Variants in WDR77 observed in about 807,000 individuals in gnomAD.
WDR77 encodes WD repeat domain 77.
Under a neutral mutation model 44.0 loss-of-function variants are expected in WDR77, and 31 were observed. The ratio of observed to expected loss-of-function variants is 0.70; its 90% CI spans 0.53 to 0.95. The LOEUF (loss-of-function observed/expected upper bound fraction) is 0.95, where lower values mean the gene tolerates loss of function less well. Among genes scored for constraint, WDR77 ranks in the 40% least tolerant of loss-of-function variants. WDR77 has a pLI of 0.00. For missense variants in WDR77, 390 were observed against 423.9 expected (o/e 0.92, Z 0.70); for synonymous variants, 186 against 165.7 (o/e 1.12, Z -0.94).
At position 111,441,018 on chromosome 1, in the gene WDR77, C is replaced by T; in HGVS notation, c.*212G>A. Reference sequence around the variant, plus strand: ...AAATCTACACACACACTCACACGCACATACATGTCCATTTTTAAGAAAGCT... The same window carrying T: ...AAATCTACACACACACTCACACGCATATACATGTCCATTTTTAAGAAAGCT... On this transcript the variant is annotated 3_prime_UTR_variant, in exon 10 of 10. Transcript: ENST00000235090. 5.0e-6 allele frequency: 2 copies of T among 397,520 alleles called. No individual in the cohort carries two copies. Among genetic ancestry groups the T allele is most frequent in the Admixed American group, 4.6e-5 (1 of 21,692 alleles). 24.6% of individuals were successfully genotyped at this position (397,520 alleles called of 1,614,324 possible).
At chr1:111,442,001 C>T in intron 9 of WDR77, 24 bp downstream of exon 9, 2 of 1,611,140 alleles carry the variant, frequency 1.2e-6, no homozygotes, top group Non-Finnish European at 1.7e-6. Flanking sequence ...CCCTGATTCC[C>T]AAAGGATTCC....
In WDR77 at chr1:111,441,217, T is replaced by C; in HGVS notation, c.*13A>G. On this transcript the variant is annotated 3_prime_UTR_variant, in exon 10 of 10. Coordinates refer to ENST00000235090, the MANE Select transcript of WDR77 (RefSeq NM_024102.4). ...ACACTCATGGGGGACTTGCTTTTTG[T>C]CTTAAATCCAATCTACTCAGTAACA... is the stretch of plus-strand genomic sequence containing the variant. 6.7e-7 allele frequency: 1 copy of C among 1,485,078 alleles called. No homozygotes were observed. The highest frequency in any genetic ancestry group is 1.4e-5 in the South Asian group (1 of 71,114). 92.0% of individuals were successfully genotyped at this position (1,485,078 alleles called of 1,614,324 possible). A position where few individuals can be genotyped will look rare whatever the true frequency, so the allele number is the denominator to read the frequency against.
chr1:111,444,087 A>G lies in WDR77; in HGVS notation c.531T>C (p.Pro177=). ...AAQVTCVAAS[P]HKDSVFLSCS... is the part of the protein sequence containing the mutation. The stretch of plus-strand genomic sequence containing the variant: ...ATGAAAGAAACACAGAGTCCTTGTG[A>G]GGAGAGGCAGCAACACAAGTGACCT... Residue 177 remains proline, a synonymous_variant, in exon 5 of 10, where the codon CCT becomes CCC. Transcript: ENST00000235090. The G allele has an allele frequency of 6.2e-7, 1 of 1,614,078 alleles. No individual in the cohort carries two copies.
At position 111,441,293 on chromosome 1, in the gene WDR77, G is replaced by A. The variant is rs369442697; in HGVS notation, c.966C>T (p.Val322=). ...GTTCTGTGGGCACAACGTGGTGGACGACCTGATGGTCCCAGCCCACTGTGG... is the reference window on the plus strand; with the variant it reads ...GTTCTGTGGGCACAACGTGGTGGACAACCTGATGGTCCCAGCCCACTGTGG... ...LLTTVGWDHQ[V]VHHVVPTEPL... is the part of the protein sequence containing the mutation. The change falls in exon 10 of 10, where the codon GTC becomes GTT. Residue 322 remains valine (V), a synonymous_variant. Coordinates refer to ENST00000235090, the MANE Select transcript of WDR77 (RefSeq NM_024102.4). The A allele has an allele frequency of 5.7e-6, 9 of 1,586,668 alleles. No individual in the cohort carries two copies. Among genetic ancestry groups the A allele is most frequent in the African/African-American group, 4.1e-5 (3 of 73,768 alleles).
intron 1 of WDR77, 64 bp from the exon 2 acceptor site, chr1:111,448,868 C>A (rs1279133763): frequency 1.3e-6 from 2 of 1,548,690 alleles, no homozygotes; most frequent in Admixed American, 3.9e-5. Flanking sequence ...GGAGACCGCA[C>A]AGAACAGCGT....
At chr1:111,441,668 T>C (rs923677345) in intron 9 of WDR77, 2 of 1,081,894 alleles carry the variant, frequency 1.8e-6, no homozygotes, top group East Asian at 3.4e-5. Context: ...AGGAGGGAAG[T>C]ACAATTCAGG....
Position 111,447,121 on chromosome 1 carries a change from T to G in WDR77, c.467A>C (p.Gln156Pro), listed in dbSNP as rs766793660. ...TCGGTATGAACTCAGTACCACCTGC[T>G]GAGCAAGGTCCCAAACCTTGATGCT... ...DICIKVWDLA[Q>P]QVVLSSYRAH... The change falls in exon 4 of 10, where the codon CAG (glutamine) becomes CCG (proline). Residue 156 changes from glutamine to proline, a missense_variant. Gln to Pro is a moderately conservative substitution (Grantham distance 76, BLOSUM62 -1). Coordinates refer to ENST00000235090, the MANE Select transcript of WDR77 (RefSeq NM_024102.4). 1 of 1,614,190 alleles carries G rather than the reference T, an allele frequency of 6.2e-7. No individual in the cohort carries two copies. Among genetic ancestry groups the G allele is most frequent in the Non-Finnish European group, 8.5e-7 (1 of 1,180,030 alleles).
Position 111,448,650 on chromosome 1 carries a change from C to A in WDR77, c.270G>T (p.Gly90=). Residue 90 remains glycine (G), a synonymous_variant, in exon 2 of 10, where the codon GGG becomes GGT. Transcript: ENST00000235090. The part of the protein sequence containing the change: ...EAGVADLTWV[G]ERGILVASDS... ...CGGAGGCCACTAGAATACCTCTCTC[C>A]CCAACCCAAGTGAGGTCAGCCACTC... 6.2e-7 allele frequency: 1 copy of A among 1,614,156 alleles called. No homozygotes were observed. The highest frequency in any genetic ancestry group is 1.3e-5 in the African/African-American group (1 of 75,050).
In WDR77 at chr1:111,449,164, C is replaced by G; in HGVS notation, c.6G>C (p.Arg2=). The change falls in exon 1 of 10, where the codon CGG becomes CGC. Residue 2 remains arginine, a synonymous_variant. Coordinates refer to ENST00000235090, the MANE Select transcript of WDR77 (RefSeq NM_024102.4). M[R]KETPPPLVPP... ...GCACTAGGGGGGGTGGGGTTTCCTT[C>G]CGCATCTCCACGGTTCCAACTCCAA... 2 of 1,580,438 alleles carry G rather than the reference C, an allele frequency of 1.3e-6. No homozygotes were observed. Among genetic ancestry groups the G allele is most frequent in the Non-Finnish European group, 1.7e-6 (2 of 1,169,596 alleles).
At chr1:111,444,394 C>A (rs1228894599) in intron 4 of WDR77, among the ~76,000 whole-genome samples, 2 of 151,710 alleles carry the variant, frequency 1.3e-5, no homozygotes, top group Non-Finnish European at 2.9e-5. Context: ...AAAGGAATTT[C>A]CAGTTTAGGC....
intron 9 of WDR77, 177 bp from the exon 10 acceptor site, chr1:111,441,566 C>A: frequency 7.7e-7 from 1 of 1,298,766 alleles, no homozygotes; most frequent in Non-Finnish European, 9.8e-7. Flanking sequence ...TGTCATCAGT[C>A]ATCCAATCCA....
chr1:111,444,887 T>A (rs1487986852), intron 4 of WDR77, among the ~76,000 whole-genome samples: 1 of 152,258 alleles, frequency 6.6e-6, no homozygotes, highest in Admixed American at 6.5e-5. Flanking sequence ...TTTATCTGAA[T>A]TTAAAAACAA....
At chr1:111,446,498 G>A (rs1653037256) in intron 4 of WDR77, among the ~76,000 whole-genome samples, 3 of 152,114 alleles carry the variant, frequency 2.0e-5, no homozygotes, top group Admixed American at 6.5e-5. Context: ...AGGAAATGGA[G>A]TAAAAGGGCT....
chr1:111,448,488 G>T, intron 2 of WDR77, 131 bp downstream of exon 2: 3 of 1,045,440 alleles, frequency 2.9e-6, no homozygotes, highest in East Asian at 4.9e-5. Flanking sequence ...TGCATTCGGG[G>T]CCAACACTCT....
chr1:111,442,804 A>T, intron 7 of WDR77, 43 bp from the exon 8 acceptor site: 2 of 1,377,184 alleles, frequency 1.5e-6, no homozygotes, highest in East Asian at 2.5e-5. Flanking sequence ...AAGAGCATGG[A>T]CTTTTGTGCC....
chr1:111,440,371 G>A lies in WDR77; in HGVS notation c.*859C>T, dbSNP rs1652756300. On this transcript the variant is annotated 3_prime_UTR_variant, in exon 10 of 10. Transcript: ENST00000235090. ...TAGAAGTCTATAAATACTGCATTCA[G>A]ACTTTCCACATCAAGAGAAAGGGGA... 6.6e-6 allele frequency: 1 copy of A among 152,158 alleles called. No individual in the cohort carries two copies. Among genetic ancestry groups the A allele is most frequent in the South Asian group, 2.1e-4 (1 of 4,834 alleles). 9.4% of individuals were successfully genotyped at this position (152,158 alleles called of 1,614,324 possible). A position where few individuals can be genotyped will look rare whatever the true frequency, so the allele number is the denominator to read the frequency against.
intron 3 of WDR77, 121 bp downstream of exon 3, chr1:111,447,314 A>T: frequency 6.6e-7 from 1 of 1,508,232 alleles, no homozygotes; most frequent in Non-Finnish European, 9.0e-7. Flanking sequence ...CCTTATAGAC[A>T]TGCTAAAATA....
Position 111,440,140 on chromosome 1 carries a change from G to C in WDR77, c.*1090C>G, listed in dbSNP as rs901078554. 6 of 152,244 alleles carry C rather than the reference G, an allele frequency of 3.9e-5. No homozygotes were observed. The highest frequency in any genetic ancestry group is 2.1e-4 in the South Asian group (1 of 4,832). The allele number at this position is 152,244 out of a possible 1,614,324, so 9.4% of individuals were successfully genotyped here. On this transcript the variant is annotated 3_prime_UTR_variant, in exon 10 of 10. Transcript: ENST00000235090. ...ACCCAAGAATAAATATTTACCTTAA[G>C]TTCTAACTAGCTACTTTGGGAAGCT...
chr1:111,442,122 G>A (rs1222561829), intron 8 of WDR77, 29 bp from the exon 9 acceptor site: 3 of 1,606,462 alleles, frequency 1.9e-6, no homozygotes, highest in East Asian at 4.5e-5. Context: ...GGTTGTGAAA[G>A]GTCCAGCCTG....
Sources: gnomAD v4.1 joint callset for allele counts (sites outside exome capture counted in the v4.1 genomes callset) on GRCh38, gnomAD v4.1.1 for gene constraint, MANE v1.5 for transcripts, NCBI Gene and HGNC (gene_info 2026-07-23, HGNC 2026-07-21) for gene names.